Variants in USP42 observed in about 807,000 individuals in gnomAD.
USP42 encodes ubiquitin specific peptidase 42.
In USP42, 23 loss-of-function variants were observed where a neutral mutation model predicts 113.0. The observed-to-expected ratio is 0.20, with a 90% CI of 0.15 to 0.29. The LOEUF (loss-of-function observed/expected upper bound fraction) is 0.29. Among genes scored for constraint, USP42 ranks in the 10% least tolerant of loss-of-function variants. USP42 has a pLI of 1.00. For missense variants in USP42, 2,174 were observed against 1,779.8 expected (o/e 1.22, Z -3.99); for synonymous variants, 933 against 699.0 (o/e 1.33, Z -5.28).
At chr7:6,133,429 C>A (rs1172962125) in intron 3 of USP42, among the ~76,000 whole-genome samples, 5 of 152,192 alleles carry the variant, frequency 3.3e-5, no homozygotes, top group Admixed American at 2.6e-4. Flanking sequence ...ATTTTCTACC[C>A]ATAATGAATA....
At position 6,136,021 on chromosome 7, in the gene USP42, T is replaced by TTC. The variant is rs1554342923; in HGVS notation, c.553+70_553+71insTC. 981 of 858,572 alleles carry TTC rather than the reference T, an allele frequency of 1.1e-3. 1 individual carries two copies. The highest frequency in any genetic ancestry group is 2.0e-3 in the Middle Eastern group (6 of 3,066). 53.2% of individuals were successfully genotyped at this position (858,572 alleles called of 1,614,324 possible). On this transcript the variant is annotated intron_variant, in intron 4 of 17. Coordinates refer to ENST00000306177, the MANE Select transcript of USP42 (RefSeq NM_032172.3). ...GTTATACTTTTTTTTTTTTTTTTTT[T>TTC]CGAGACAGAGTCTTGCTCTGTCGCC...
chr7:6,133,937 C>T (rs1207387455), intron 3 of USP42, among the ~76,000 whole-genome samples: 1 of 147,944 alleles, frequency 6.8e-6, no homozygotes, highest in Admixed American at 6.8e-5. Flanking sequence ...GTCGCCCAGG[C>T]TGGAGTGCAG....
At chr7:6,082,831 G>A in the USP42 span, among the ~76,000 whole-genome samples, 8 of 148,710 alleles carry the variant, frequency 5.4e-5, no homozygotes, top group African/African-American at 1.8e-4. Context: ...GGCTGGTTGC[G>A]AACTCCTGAG....
intron 2 of USP42, among the ~76,000 whole-genome samples, chr7:6,112,394 A>G (rs1779644528): frequency 6.6e-6 from 1 of 152,186 alleles, no homozygotes; most frequent in African/African-American, 2.4e-5. Context: ...GGTTGCAGTG[A>G]GCCCAAGATC....
At position 6,139,209 on chromosome 7, in the gene USP42, G is replaced by A; in HGVS notation, c.656+15G>A. On this transcript the variant is annotated intron_variant, in intron 5 of 17. Coordinates refer to ENST00000306177, the MANE Select transcript of USP42 (RefSeq NM_032172.3). The surrounding 1 kb of genome is among the most constrained non-coding windows in gnomAD (Gnocchi z 4.5). The stretch of plus-strand genomic sequence containing the variant: ...GGCAGCAATAAGTAAGTACAACAGA[G>A]CGCCAGCCATGTCTTCATTGGGGAT... 1 of 1,557,950 alleles carries A rather than the reference G, an allele frequency of 6.4e-7. No individual in the cohort carries two copies. The highest frequency in any genetic ancestry group is 8.7e-7 in the Non-Finnish European group (1 of 1,147,256).
intron 6 of USP42, 99 bp downstream of exon 6, chr7:6,140,294 T>C: frequency 1.1e-5 from 12 of 1,053,488 alleles, no homozygotes; most frequent in Non-Finnish European, 1.6e-5. Flanking sequence ...GAAGGAAAAG[T>C]GCTTCTCTCC....
intron 3 of USP42, among the ~76,000 whole-genome samples, chr7:6,129,010 C>T (rs1388342961): frequency 5.3e-5 from 8 of 152,052 alleles, no homozygotes; most frequent in Non-Finnish European, 1.0e-4. Context: ...CAGGGTTTCA[C>T]CATGTTGCCC....
intron 9 of USP42, among the ~76,000 whole-genome samples, 198 bp downstream of exon 9, chr7:6,144,394 C>G (rs1243522474): frequency 2.0e-5 from 3 of 152,122 alleles, no homozygotes; most frequent in Non-Finnish European, 4.4e-5. Flanking sequence ...ATCTGAAATC[C>G]AAAGAGGACT....
At chr7:6,124,424 C>G (rs531029858) in intron 3 of USP42, among the ~76,000 whole-genome samples, 56 of 151,922 alleles carry the variant, frequency 3.7e-4, no homozygotes, top group African/African-American at 1.2e-3. Context: ...CACCACCACA[C>G]CCGGCTAATT....
At position 6,159,580 on chromosome 7, in the gene USP42, C is replaced by G; in HGVS notation, c.*36+87C>G. On this transcript the variant is annotated intron_variant, in intron 17 of 17. Transcript: ENST00000306177. This position sits in a 1 kb window ranked among gnomAD's most constrained non-coding sequence, Gnocchi z 4.1. ...AGGAGTTTTAATTCTGCGGCTCTGC[C>G]TGGGGGCTGGGCTCATAGGAGTTGG... is the stretch of plus-strand genomic sequence containing the variant. 1 of 1,369,302 alleles carries G rather than the reference C, an allele frequency of 7.3e-7. No homozygotes were observed. The highest frequency in any genetic ancestry group is 1.0e-6 in the Non-Finnish European group (1 of 976,718). The allele number at this position is 1,369,302 out of a possible 1,614,324, so 84.8% of individuals were successfully genotyped here. A position where few individuals can be genotyped will look rare whatever the true frequency, so the allele number is the denominator to read the frequency against.
the USP42 span, chr7:6,093,116 C>CTCTT: frequency 6.7e-6 from 1 of 149,784 alleles, no homozygotes. Flanking sequence ...ACGGAAGGTA[C>CTCTT]TCTTTCTTCC....
At chr7:6,099,356 A>G in the USP42 span, among the ~76,000 whole-genome samples, 1 of 148,478 alleles carries the variant, frequency 6.7e-6, no homozygotes, top group Admixed American at 6.7e-5. Context: ...CTGGGACTAC[A>G]GGCACCCGCC....
At chr7:6,120,701 A>G (rs1452856571) in intron 3 of USP42, among the ~76,000 whole-genome samples, 1 of 152,094 alleles carries the variant, frequency 6.6e-6, no homozygotes, top group Non-Finnish European at 1.5e-5. Context: ...CTTCTGCTTC[A>G]GCCTCATGGG....
rs1472623168 is a variant in USP42, at chr7:6,154,162, C to T, written c.2608C>T (p.Pro870Ser). The T allele has an allele frequency of 1.3e-6, 2 of 1,594,666 alleles. No individual in the cohort carries two copies. The highest frequency in any genetic ancestry group is 2.2e-5 in the South Asian group (2 of 90,382). ...GCGGTCGGAGGAGCCCTGCGAGCAG[C>T]CACTCCTTGTTCACCCCAGCGGGGA... ...PARSEEPCEQ[P>S]LLVHPSGDHA... Residue 870 changes from proline (P) to serine (S), a missense_variant, in exon 15 of 18, where the codon CCA becomes TCA. By Grantham distance (74) the Pro-to-Ser change is moderately conservative. Transcript: ENST00000306177.
intron 17 of USP42, among the ~76,000 whole-genome samples, chr7:6,160,128 TGAAAG>T (rs74541050): frequency 0.053 from 8,007 of 152,272 alleles, 440 homozygotes; most frequent in East Asian, 0.26. Context: ...ATTTTTCCCT[TGAAAG>T]GAAACTTTGT....
At chr7:6,114,909 C>G (rs899165774) in intron 2 of USP42, among the ~76,000 whole-genome samples, 4 of 151,486 alleles carry the variant, frequency 2.6e-5, no homozygotes, top group African/African-American at 7.3e-5. Flanking sequence ...CCAGGATGGT[C>G]TCGATCTCCT....
At chr7:6,137,743 A>T (rs554536010) in intron 4 of USP42, among the ~76,000 whole-genome samples, 2 of 152,160 alleles carry the variant, frequency 1.3e-5, no homozygotes, top group South Asian at 4.2e-4. Context: ...GCAGTGGTGC[A>T]GTCTTGGCTC....
chr7:6,139,947 C>G lies in USP42; in HGVS notation c.657-181C>G. On this transcript the variant is annotated intron_variant, in intron 5 of 17. Transcript: ENST00000306177. This position sits in a 1 kb window ranked among gnomAD's most constrained non-coding sequence, Gnocchi z 4.5. ...GTCTCCTCCCGCCACTCCCAGACCT[C>G]CCTGTGTTCTGGCCAGGAAGGGATG... 1 of 644,574 alleles carries G rather than the reference C, an allele frequency of 1.6e-6. No individual in the cohort carries two copies. The highest frequency in any genetic ancestry group is 2.8e-6 in the Non-Finnish European group (1 of 358,134). 39.9% of individuals were successfully genotyped at this position (644,574 alleles called of 1,614,324 possible). A position where few individuals can be genotyped will look rare whatever the true frequency, so the allele number is the denominator to read the frequency against.
chr7:6,091,706 CACACACACAT>C, the USP42 span, among the ~76,000 whole-genome samples: 7 of 150,314 alleles, frequency 4.7e-5, no homozygotes, highest in African/African-American at 1.5e-4. Flanking sequence ...CACACACACA[CACACACACAT>C]ATATATGTTG....
Sources: gnomAD v4.1 joint callset for allele counts (sites outside exome capture counted in the v4.1 genomes callset) on GRCh38, gnomAD v4.1.1 for gene constraint, Gnocchi (gnomAD v3.1) non-coding constraint, MANE v1.5 for transcripts, NCBI Gene and HGNC (gene_info 2026-07-23, HGNC 2026-07-21) for gene names.